The following PIWIL1 variants were observed in gnomAD, a reference collection of about 807,000 sequenced individuals.
The protein encoded by PIWIL1 is piwi like RNA-mediated gene silencing 1, also known as piwi-like protein 1.
PIWIL1 carries 73 observed loss-of-function variants against 114.4 expected under a neutral mutation model. The observed-to-expected ratio is 0.64, with a 90% confidence interval of 0.53 to 0.78. The LOEUF is 0.78. Among genes scored for constraint, PIWIL1 ranks in the 30% least tolerant of loss-of-function variants. The pLI, the probability that PIWIL1 is intolerant of heterozygous loss-of-function variation, is 0.00. For missense variants in PIWIL1, 723 were observed against 1,063.1 expected (o/e 0.68, Z 4.45); for synonymous variants, 375 against 369.0 (o/e 1.02, Z -0.19).
chr12:130,403,370 G>A, the PIWIL1 span, among the ~76,000 whole-genome samples: 75 of 152,248 alleles, frequency 4.9e-4, no homozygotes, highest in Admixed American at 1.0e-3. Flanking sequence ...TAAAAACTTA[G>A]GGAAGACTAT....
In PIWIL1 at chr12:130,371,667, CTTT is replaced by C; in HGVS notation, c.*76_*78del. 1.0e-6 allele frequency: 1 copy of C among 979,804 alleles called. No individual in the cohort carries two copies. Among genetic ancestry groups the C allele is most frequent in the African/African-American group, 1.7e-5 (1 of 60,474 alleles). The allele number at this position is 979,804 out of a possible 1,614,324, so 60.7% of individuals were successfully genotyped here. A position where few individuals can be genotyped will look rare whatever the true frequency, so the allele number is the denominator to read the frequency against. ...TGGGATTTTTTTAAGCTTTTATTTA[CTTT>C]TTTTTTAACTGTTATCTTTCTGGAT... On this transcript the variant is annotated 3_prime_UTR_variant, in exon 21 of 21. Transcript: ENST00000245255.
intron 12 of PIWIL1, among the ~76,000 whole-genome samples, chr12:130,356,012 A>G (rs2073355779): frequency 6.6e-6 from 1 of 152,072 alleles, no homozygotes; most frequent in Non-Finnish European, 1.5e-5. Flanking sequence ...GGTCCTCAAA[A>G]ATCATCTGTA....
At chr12:130,422,358 A>T in the PIWIL1 span, 7 of 745,682 alleles carry the variant, frequency 9.4e-6, no homozygotes, top group Non-Finnish European at 1.1e-5. The surrounding 1 kb of genome is among the most constrained non-coding windows in gnomAD (Gnocchi z 5.2). Context: ...CTTAGCGGAA[A>T]ATGCTACTCC....
chr12:130,407,647 G>T, the PIWIL1 span: 1 of 1,079,994 alleles, frequency 9.3e-7, no homozygotes, highest in Non-Finnish European at 1.4e-6. Flanking sequence ...GTGAACACAC[G>T]TGGCCTCAGT....
chr12:130,392,237 T>G, the PIWIL1 span, among the ~76,000 whole-genome samples: 3 of 119,800 alleles, frequency 2.5e-5, no homozygotes, highest in East Asian at 2.6e-4. Context: ...AACGTTGTGA[T>G]GACCCGGTCA....
At chr12:130,347,131 G>A in intron 6 of PIWIL1, 69 bp downstream of exon 6, 6 of 1,135,216 alleles carry the variant, frequency 5.3e-6, no homozygotes, top group Non-Finnish European at 7.8e-6. Flanking sequence ...TTGAACATCT[G>A]CATTCAGTTC....
At chr12:130,343,381 T>C (rs1157744058) in intron 3 of PIWIL1, among the ~76,000 whole-genome samples, 2 of 152,216 alleles carry the variant, frequency 1.3e-5, no homozygotes, top group African/African-American at 4.8e-5. Flanking sequence ...CAAGGTAGTG[T>C]CTACCTGTAG....
chr12:130,409,895 C>T, the PIWIL1 span, among the ~76,000 whole-genome samples: 1 of 152,230 alleles, frequency 6.6e-6, no homozygotes, highest in African/African-American at 2.4e-5. Flanking sequence ...GTTTCCCTTT[C>T]TTCTGAGTAA....
At chr12:130,342,188 G>GTGTC (rs944046029) in intron 1 of PIWIL1, 8 of 193,216 alleles carry the variant, frequency 4.1e-5, no homozygotes, top group Non-Finnish European at 6.5e-5. Context: ...GTGTGTGTGT[G>GTGTC]TGTCTGTGTA....
At chr12:130,403,488 C>CTAAA in the PIWIL1 span, among the ~76,000 whole-genome samples, 1 of 152,126 alleles carries the variant, frequency 6.6e-6, no homozygotes, top group Non-Finnish European at 1.5e-5. Context: ...ATGTGAAAAT[C>CTAAA]TAAATGAAAA....
At chr12:130,410,973 C>T in the PIWIL1 span, among the ~76,000 whole-genome samples, 30,082 of 152,060 alleles carry the variant, frequency 0.2, 3,172 homozygotes, top group East Asian at 0.41. Flanking sequence ...ATATTAAGTC[C>T]ATGAATATGA....
At chr12:130,389,970 C>A in the PIWIL1 span, among the ~76,000 whole-genome samples, 6 of 152,142 alleles carry the variant, frequency 3.9e-5, no homozygotes, top group African/African-American at 1.4e-4. Context: ...AAGTTAGTGC[C>A]ATTTGATAAT....
chr12:130,425,092 C>T, the PIWIL1 span: 4 of 377,880 alleles, frequency 1.1e-5, no homozygotes, highest in East Asian at 3.8e-5. Flanking sequence ...GCAGAGCCAG[C>T]GGGCCGGGCA....
chr12:130,416,597 G>A, the PIWIL1 span, among the ~76,000 whole-genome samples: 1 of 152,140 alleles, frequency 6.6e-6, no homozygotes, highest in Non-Finnish European at 1.5e-5. Flanking sequence ...AGATTTGAAC[G>A]TAAGACCTCA....
At chr12:130,407,600 C>T in the PIWIL1 span, 1 of 815,428 alleles carries the variant, frequency 1.2e-6, no homozygotes, top group Admixed American at 1.8e-5. Context: ...GATCGGCAGC[C>T]CTTCCTACGG....
chr12:130,424,249 C>A, the PIWIL1 span: 3 of 1,231,878 alleles, frequency 2.4e-6, no homozygotes, highest in East Asian at 9.5e-5. This position sits in a 1 kb window ranked among gnomAD's most constrained non-coding sequence, Gnocchi z 9.8. Context: ...TCTTGGTGCT[C>A]GGTGGGCTCG....
the PIWIL1 span, among the ~76,000 whole-genome samples, chr12:130,413,500 G>A: frequency 6.6e-6 from 1 of 151,952 alleles, no homozygotes; most frequent in African/African-American, 2.4e-5. Context: ...GGGTGTGATG[G>A]CGCGCATCTG....
the PIWIL1 span, among the ~76,000 whole-genome samples, chr12:130,410,050 C>G: frequency 6.6e-6 from 1 of 152,268 alleles, no homozygotes; most frequent in Non-Finnish European, 1.5e-5. Context: ...TGTGCCCACA[C>G]CTGCGACGGC....
intron 3 of PIWIL1, among the ~76,000 whole-genome samples, chr12:130,345,149 C>G (rs1037503349): frequency 6.6e-6 from 1 of 152,198 alleles, no homozygotes; most frequent in Non-Finnish European, 1.5e-5. Flanking sequence ...GCTTGTAGCA[C>G]TAAGCATGAA....
Sources: allele counts gnomAD v4.1 joint callset (sites outside exome capture counted in the v4.1 genomes callset), GRCh38; gene constraint gnomAD v4.1.1; non-coding constraint Gnocchi (gnomAD v3.1); transcripts MANE v1.5; gene names NCBI Gene and HGNC (gene_info 2026-07-23, HGNC 2026-07-21).